MYLK: variants seen among roughly 807,000 people sequenced by gnomAD.
MYLK encodes myosin light chain kinase, smooth muscle.
A neutral mutation model predicts 203.4 loss-of-function variants in MYLK; 106 were observed. The ratio of observed to expected loss-of-function variants is 0.52; its 90% CI spans 0.45 to 0.61. MYLK has a LOEUF of 0.61. MYLK is among the 20% of genes least tolerant of loss of function. MYLK has a pLI of 0.00. For missense variants in MYLK, 2,072 were observed against 2,442.3 expected, an observed-to-expected ratio of 0.85 and a Z score of 3.20; for synonymous variants, 867 against 959.5, an observed-to-expected ratio of 0.90 and a Z score of 1.78.
intron 4 of MYLK, among the ~76,000 whole-genome samples, chr3:123,790,354 T>C (rs1407751073): frequency 6.6e-6 from 1 of 152,166 alleles, no homozygotes; most frequent in Non-Finnish European, 1.5e-5. Context: ...GCCTCTACAG[T>C]GGACCCCATC....
At chr3:123,784,376 C>CT (rs576849217) in intron 4 of MYLK, among the ~76,000 whole-genome samples, 3,399 of 78,836 alleles carry the variant, frequency 0.043, 261 homozygotes, top group African/African-American at 0.067. Flanking sequence ...GGTTGACTTT[C>CT]TTTTTTTTTT....
intron 19 of MYLK, among the ~76,000 whole-genome samples, chr3:123,688,495 T>C (rs936864362): frequency 7.9e-5 from 12 of 152,248 alleles, no homozygotes; most frequent in African/African-American, 2.9e-4. Flanking sequence ...CAACCCCCCA[T>C]TGTGCTCCCT....
chr3:123,624,475 T>C (rs2058040039), intron 31 of MYLK: 2 of 152,156 alleles, frequency 1.3e-5, no homozygotes, highest in South Asian at 4.1e-4. Flanking sequence ...CATCTGCAGA[T>C]GTTCCCAGGT....
intron 18 of MYLK, chr3:123,698,887 G>C (rs1406278012): frequency 1.3e-5 from 2 of 152,142 alleles, no homozygotes; most frequent in East Asian, 2.0e-4. Flanking sequence ...TAAAAGGTGA[G>C]GGAGGGAGTG....
chr3:123,701,579 G>A (rs57186134), intron 16 of MYLK, 70 bp from the exon 17 acceptor site: 85,898 of 1,494,726 alleles, frequency 0.057, 10,608 homozygotes, highest in East Asian at 0.49. Flanking sequence ...GTGTGGACTT[G>A]ATCACAGGCT....
At chr3:123,837,168 G>T (rs1477161894) in intron 2 of MYLK, among the ~76,000 whole-genome samples, 3 of 152,070 alleles carry the variant, frequency 2.0e-5, no homozygotes, top group East Asian at 1.9e-4. Context: ...TGAGTAGCTG[G>T]GTTACAGGCA....
intron 2 of MYLK, chr3:123,835,945 G>A (rs1387053645): frequency 1.3e-5 from 2 of 152,214 alleles, no homozygotes; most frequent in Non-Finnish European, 2.9e-5. Flanking sequence ...GCTGCACAGA[G>A]AGGAGGAATA....
intron 27 of MYLK, among the ~76,000 whole-genome samples, chr3:123,641,833 C>G (rs749520945): frequency 6.8e-6 from 1 of 147,884 alleles, no homozygotes; most frequent in Non-Finnish European, 1.5e-5. Context: ...TCCTTCTCCC[C>G]TCCCCTCCCC....
intron 2 of MYLK, among the ~76,000 whole-genome samples, chr3:123,843,896 G>A (rs1306011763): frequency 6.6e-6 from 1 of 152,130 alleles, no homozygotes; most frequent in Non-Finnish European, 1.5e-5. Context: ...TGCTCTAAGT[G>A]AGAGGGCTTA....
chr3:123,703,315 C>T (rs1203851867), intron 16 of MYLK, among the ~76,000 whole-genome samples: 1 of 152,212 alleles, frequency 6.6e-6, no homozygotes, highest in Non-Finnish European at 1.5e-5. Flanking sequence ...AGCCCTCCTC[C>T]CGCCTGCTGG....
At position 123,847,990 on chromosome 3, in the gene MYLK, C is replaced by A. The variant is rs191677181; in HGVS notation, c.-126-16320G>T. On this transcript the variant is annotated intron_variant, in intron 2 of 33. Transcript: ENST00000360304. ...TTCTTGGAGTTCTACATGCAAAAAA[C>A]CATTTAAGCCTTATATTTTTGGGAG... Among the ~76,000 whole-genome samples the A allele has an allele frequency of 5.8e-3, 885 of 152,052 alleles. 12 individuals carry two copies. The highest frequency in any genetic ancestry group is 0.02 in the African/African-American group (835 of 41,526).
intron 5 of MYLK, among the ~76,000 whole-genome samples, chr3:123,741,777 G>A (rs1045565233): frequency 5.3e-5 from 8 of 152,154 alleles, no homozygotes; most frequent in Admixed American, 3.9e-4. Flanking sequence ...TAAGTAGTCA[G>A]GTAAAATGTA....
chr3:123,640,464 C>G lies in MYLK; in HGVS notation c.4660G>C (p.Asp1554His). Reference sequence around the variant, plus strand: ...CACTCACGCTCCGTCAGCTCAAAGTCCTCGTCAATGATGCGCTCAAACAGC... The same window carrying G: ...CACTCACGCTCCGTCAGCTCAAAGTGCTCGTCAATGATGCGCTCAAACAGC... ...GELFERIIDE[D>H]FELTERECIK... The change falls in exon 28 of 34, where the codon GAC (aspartate) becomes CAC (histidine). Residue 1554 changes from aspartate to histidine, a missense_variant. By Grantham distance (81) the Asp-to-His change is moderately conservative (BLOSUM62 -1). Coordinates refer to ENST00000360304, the MANE Select transcript of MYLK (RefSeq NM_053025.4). The surrounding 1 kb of genome is among the most constrained non-coding windows in gnomAD (Gnocchi z 4.3). The G allele has an allele frequency of 6.2e-7, 1 of 1,614,064 alleles. No homozygotes were observed. Among genetic ancestry groups the G allele is most frequent in the Non-Finnish European group, 8.5e-7 (1 of 1,180,014 alleles).
intron 8 of MYLK, chr3:123,735,678 C>A: frequency 1.3e-5 from 6 of 458,598 alleles, no homozygotes; most frequent in African/African-American, 1.9e-5. Flanking sequence ...GTTCACTAAA[C>A]AGAAGGAAAA....
chr3:123,623,721 G>A (rs897472096), intron 31 of MYLK: 4 of 152,226 alleles, frequency 2.6e-5, no homozygotes, highest in African/African-American at 7.2e-5. Context: ...GCTGCAAGAG[G>A]GAACCCTCAT....
At chr3:123,762,815 G>C (rs955420721) in intron 4 of MYLK, among the ~76,000 whole-genome samples, 2 of 152,188 alleles carry the variant, frequency 1.3e-5, no homozygotes, top group Non-Finnish European at 2.9e-5. Flanking sequence ...CTTGGAAACA[G>C]AAAGACTGGC....
intron 20 of MYLK, among the ~76,000 whole-genome samples, chr3:123,675,047 T>A (rs917209753): frequency 6.6e-6 from 1 of 152,240 alleles, no homozygotes; most frequent in African/African-American, 2.4e-5. Flanking sequence ...AGGATTTCTG[T>A]TAACCCGGGA....
intron 4 of MYLK, among the ~76,000 whole-genome samples, chr3:123,790,834 G>A (rs1174880333): frequency 6.6e-6 from 1 of 152,212 alleles, no homozygotes; most frequent in East Asian, 1.9e-4. Flanking sequence ...AAGCTGGGAA[G>A]TCCTAGGTCC....
intron 4 of MYLK, among the ~76,000 whole-genome samples, chr3:123,765,159 G>T (rs1249195237): frequency 6.6e-6 from 1 of 152,134 alleles, no homozygotes; most frequent in African/African-American, 2.4e-5. Context: ...AAAAATTAAA[G>T]TTCCATTATC....
Sources: gnomAD v4.1 joint callset for allele counts (sites outside exome capture counted in the v4.1 genomes callset) on GRCh38, gnomAD v4.1.1 for gene constraint, Gnocchi (gnomAD v3.1) non-coding constraint, MANE v1.5 for transcripts, NCBI Gene and HGNC (gene_info 2026-07-23, HGNC 2026-07-21) for gene names.